The following CD109 variants were observed in gnomAD, a reference collection of about 807,000 sequenced individuals.
The protein encoded by CD109 is CD109 molecule, also known as CD109 antigen.
A neutral mutation model predicts 165.8 loss-of-function variants in CD109; 149 were observed. The observed-to-expected ratio is 0.90, with a 90% confidence interval of 0.79 to 1.03. The LOEUF (loss-of-function observed/expected upper bound fraction) is 1.03. Among genes scored for constraint, CD109 ranks in the 50% least tolerant of loss-of-function variants. The pLI is 0.00. For synonymous variants in CD109, 585 were observed against 592.1 expected (o/e 0.99, Z 0.18); for missense variants, 1,712 against 1,677.8 (o/e 1.02, Z -0.36).
intron 9 of CD109, among the ~76,000 whole-genome samples, chr6:73,763,354 G>A (rs1401112127): frequency 6.6e-6 from 1 of 152,184 alleles, no homozygotes; most frequent in African/African-American, 2.4e-5. Flanking sequence ...TGTTGTACAT[G>A]TCACTGCGGT....
chr6:73,761,171 T>TA lies in CD109; in HGVS notation c.759-1213_759-1212insA, dbSNP rs377650294. ...TTTTGACAGCCATGAGCACATTTGG[T>TA]GCTTCAGAATCTATGGTGTAATAAA... On this transcript the variant is annotated intron_variant, in intron 7 of 32. Transcript: ENST00000287097. 5.3e-4 allele frequency among the ~76,000 whole-genome samples: 80 copies of TA among 152,318 alleles called. 1 individual carries two copies. Among genetic ancestry groups the TA allele is most frequent in the African/African-American group, 1.9e-3 (78 of 41,562 alleles).
At chr6:73,709,851 T>C (rs1771456555) in intron 2 of CD109, among the ~76,000 whole-genome samples, 1 of 152,150 alleles carries the variant, frequency 6.6e-6, no homozygotes, top group Non-Finnish European at 1.5e-5. Context: ...CACATGATTA[T>C]CTCAACAGAT....
At chr6:73,711,293 A>G (rs1452839900) in intron 2 of CD109, among the ~76,000 whole-genome samples, 2 of 151,860 alleles carry the variant, frequency 1.3e-5, no homozygotes, top group Non-Finnish European at 2.9e-5. Context: ...TTTTTTAGAC[A>G]ATGGAACAAA....
intron 5 of CD109, among the ~76,000 whole-genome samples, chr6:73,755,847 G>A (rs1041621470): frequency 7.9e-5 from 12 of 152,030 alleles, no homozygotes; most frequent in Admixed American, 2.6e-4. Context: ...TGTGGTCCCA[G>A]CTAGTTGGTG....
Position 73,736,469 on chromosome 6 carries a change from T to C in CD109, c.594T>C (p.His198=). 2.5e-6 allele frequency: 4 copies of C among 1,613,654 alleles called. No individual in the cohort carries two copies. The highest frequency in any genetic ancestry group is 3.4e-6 in the Non-Finnish European group (4 of 1,179,720). ...CCAAAACTTTTCAGCTATCTTCCCA[T>C]CCAATACTTGGTGACTGGTCTATTC... The part of the protein sequence containing the change: ...VISKTFQLSS[H]PILGDWSIQV... The change falls in exon 5 of 33, where the codon CAT becomes CAC. Residue 198 remains histidine, a synonymous_variant. Coordinates refer to ENST00000287097, the MANE Select transcript of CD109 (RefSeq NM_133493.5).
intron 10 of CD109, among the ~76,000 whole-genome samples, chr6:73,765,587 G>T (rs1773803827): frequency 6.6e-6 from 1 of 152,102 alleles, no homozygotes. Flanking sequence ...TAAGCAATAG[G>T]ATTGCTGAGA....
At chr6:73,783,110 C>G (rs1162652785) in intron 18 of CD109, among the ~76,000 whole-genome samples, 1 of 151,978 alleles carries the variant, frequency 6.6e-6, no homozygotes, top group East Asian at 1.9e-4. Flanking sequence ...CCTGTGACCC[C>G]TGGCAGTGCT....
chr6:73,728,337 T>C (rs1772217884), intron 3 of CD109, among the ~76,000 whole-genome samples: 1 of 151,834 alleles, frequency 6.6e-6, no homozygotes. Flanking sequence ...AACAAAACAC[T>C]TCTTTATTGA....
At chr6:73,806,707 C>T (rs776036594) in intron 24 of CD109, 137 bp from the exon 25 acceptor site, 9 of 612,872 alleles carry the variant, frequency 1.5e-5, no homozygotes, top group Non-Finnish European at 2.5e-5. Flanking sequence ...TTTTTTCTTT[C>T]CTTGTTCCAT....
chr6:73,754,301 A>C lies in CD109; in HGVS notation c.634-2342A>C, dbSNP rs182777779. Among the ~76,000 whole-genome samples the C allele has an allele frequency of 1.6e-3, 238 of 152,304 alleles. 2 individuals are homozygous for C. The highest frequency in any genetic ancestry group is 5.6e-3 in the African/African-American group (231 of 41,576). On this transcript the variant is annotated intron_variant, in intron 5 of 32. Transcript: ENST00000287097. Reference sequence around the variant, plus strand: ...AGCCTGAAGAGTGGGAAGAGGGCTCAGCATGGGAAAGGCCAACATTTAAGG... The same window carrying C: ...AGCCTGAAGAGTGGGAAGAGGGCTCCGCATGGGAAAGGCCAACATTTAAGG...
chr6:73,688,767 T>TTTG, the CD109 span, among the ~76,000 whole-genome samples: 1 of 115,348 alleles, frequency 8.7e-6, no homozygotes, highest in Admixed American at 8.3e-5. Flanking sequence ...CTTTGTTTTT[T>TTTG]TTTTTTTTTT....
chr6:73,722,040 A>C (rs1562029851), intron 2 of CD109, among the ~76,000 whole-genome samples: 1 of 152,178 alleles, frequency 6.6e-6, no homozygotes, highest in Non-Finnish European at 1.5e-5. Flanking sequence ...CTGGCTATAA[A>C]GTTTTTCTAA....
rs758611968 is a variant in CD109 at position 73,697,558 on chromosome 6, G to A, written c.233G>A (p.Gly78Glu). 6.2e-7 allele frequency: 1 copy of A among 1,613,250 alleles called. No individual in the cohort carries two copies. The highest frequency in any genetic ancestry group is 1.3e-5 in the African/African-American group (1 of 74,884). Residue 78 changes from glycine to glutamate, a missense_variant, in exon 2 of 33, where the codon GGA (glycine) becomes GAA (glutamate). Physicochemically the swap from Gly to Glu is moderately conservative, Grantham distance 98 (BLOSUM62 -2). Transcript: ENST00000287097. The part of the protein sequence containing the change: ...NLTVSVLEAE[G>E]VFEKGSFKTL... ...ACTGTCTCTGTCCTGGAAGCAGAAG[G>A]AGTCTTTGAAAAAGGTAAGATAAAC...
At chr6:73,715,833 C>T (rs1323209007) in intron 2 of CD109, among the ~76,000 whole-genome samples, 7 of 152,044 alleles carry the variant, frequency 4.6e-5, no homozygotes, top group Non-Finnish European at 1.5e-5. Flanking sequence ...GACTACAGTC[C>T]TCCTGTTGTG....
chr6:73,802,993 C>T (rs755920773), intron 23 of CD109, among the ~76,000 whole-genome samples: 1 of 152,078 alleles, frequency 6.6e-6, no homozygotes, highest in Non-Finnish European at 1.5e-5. Flanking sequence ...AGCCACTGCA[C>T]CCGGCTGGGA....
At chr6:73,804,217 T>C (rs1582187318) in intron 24 of CD109, 2 of 152,266 alleles carry the variant, frequency 1.3e-5, no homozygotes, top group African/African-American at 4.8e-5. Context: ...ATATCAGTAA[T>C]GTTTACCACA....
intron 15 of CD109, 131 bp downstream of exon 15, chr6:73,771,712 G>C (rs1774042032): frequency 1.8e-6 from 1 of 559,294 alleles, no homozygotes; most frequent in African/African-American, 2.0e-5. Flanking sequence ...AATTAGTAAA[G>C]CTTCCAAATA....
At chr6:73,697,930 C>T (rs1329116792) in intron 2 of CD109, among the ~76,000 whole-genome samples, 1 of 152,150 alleles carries the variant, frequency 6.6e-6, no homozygotes, top group Non-Finnish European at 1.5e-5. Context: ...TGCTCATATT[C>T]ACAGGCAAGG....
rs113651477 is a variant in CD109 at position 73,826,448 on chromosome 6, C to T, written c.*2815C>T. ...TATCTTACCTCTCTTTCTGACTGGC[C>T]GATGCTTCCAGAGACTGAATGTTGG... On this transcript the variant is annotated 3_prime_UTR_variant, in exon 33 of 33. Transcript: ENST00000287097. 2 of 152,194 alleles carry T rather than the reference C, an allele frequency of 1.3e-5. No homozygotes were observed. The highest frequency in any genetic ancestry group is 1.9e-4 in the East Asian group (1 of 5,184). The allele number at this position is 152,194 out of a possible 1,614,324, so 9.4% of individuals were successfully genotyped here.
Sources: gnomAD v4.1 joint callset for allele counts (sites outside exome capture counted in the v4.1 genomes callset) on GRCh38, gnomAD v4.1.1 for gene constraint, MANE v1.5 for transcripts, NCBI Gene and HGNC (gene_info 2026-07-23, HGNC 2026-07-21) for gene names.